The following KRABD4 variants were observed in gnomAD, a reference collection of about 807,000 sequenced individuals.
KRABD4 encodes KRAB domain containing 4.
chrX:46,460,867 T>TCTCCC, the KRABD4 span, among the ~76,000 whole-genome samples: 1 of 105,390 alleles, frequency 9.5e-6, no homozygotes, highest in African/African-American at 3.6e-5. Context: ...CTTCATCTCC[T>TCTCCC]CTCCCCTCCC....
chrX:46,464,072 C>T, the KRABD4 span, among the ~76,000 whole-genome samples: 1 of 107,545 alleles, frequency 9.3e-6, no homozygotes, highest in Non-Finnish European at 1.9e-5. Context: ...AAAAAACACA[C>T]TTGAGAGGAC....
the KRABD4 span, among the ~76,000 whole-genome samples, chrX:46,465,101 T>C: frequency 8.9e-6 from 1 of 112,797 alleles, no homozygotes; most frequent in Non-Finnish European, 1.9e-5. Context: ...AAGTTTGTTA[T>C]ATGCTTATTT....
the KRABD4 span, chrX:46,462,869 C>T: frequency 8.3e-7 from 1 of 1,211,848 alleles, no homozygotes; most frequent in Non-Finnish European, 1.1e-6. Flanking sequence ...CACCTGGTGT[C>T]CGTGGGTGAG....
chrX:46,459,707 A>C, the KRABD4 span, among the ~76,000 whole-genome samples: 3,278 of 111,629 alleles, frequency 0.029, 110 homozygotes, highest in African/African-American at 0.1. Flanking sequence ...ATGTTTAGCT[A>C]TGTGTTACTG....
the KRABD4 span, among the ~76,000 whole-genome samples, chrX:46,453,562 T>C: frequency 8.9e-6 from 1 of 111,843 alleles, no homozygotes; most frequent in African/African-American, 3.2e-5. Flanking sequence ...ATAACCCAAG[T>C]ACTTTTGAAA....
the KRABD4 span, among the ~76,000 whole-genome samples, chrX:46,451,855 A>G: frequency 4.4e-5 from 5 of 112,991 alleles, no homozygotes; most frequent in African/African-American, 1.6e-4. Flanking sequence ...TGAATAGAAC[A>G]TTAACAAATT....
the KRABD4 span, among the ~76,000 whole-genome samples, chrX:46,459,311 CAA>C: frequency 2.3e-5 from 1 of 44,276 alleles, no homozygotes. Flanking sequence ...GAGACTGTCT[CAA>C]AAAAAAAAAA....
At chrX:46,447,720 T>C in the KRABD4 span, among the ~76,000 whole-genome samples, 1,230 of 112,275 alleles carry the variant, frequency 0.011, 16 homozygotes, top group African/African-American at 0.036. Context: ...GTTACGATGA[T>C]TATTTTCGTG....
At chrX:46,452,663 G>A in the KRABD4 span, among the ~76,000 whole-genome samples, 1 of 112,169 alleles carries the variant, frequency 8.9e-6, no homozygotes, top group Non-Finnish European at 1.9e-5. Flanking sequence ...AAACAACATA[G>A]CAGTGTATAG....
chrX:46,461,016 C>G, the KRABD4 span, among the ~76,000 whole-genome samples: 1 of 100,357 alleles, frequency 1.0e-5, no homozygotes, highest in Non-Finnish European at 2.0e-5. Context: ...ACTTTGATCA[C>G]TTCAGAGGCT....
the KRABD4 span, chrX:46,447,438 G>A: frequency 9.0e-6 from 1 of 111,192 alleles, no homozygotes; most frequent in Admixed American, 9.5e-5. Flanking sequence ...CGCCTTTGTG[G>A]GTGACAGGGT....
the KRABD4 span, chrX:46,456,237 AT>A: frequency 9.0e-6 from 1 of 111,227 alleles, no homozygotes; most frequent in East Asian, 2.8e-4. Flanking sequence ...ATCCAGCTTT[AT>A]TAAATGGGAT....
the KRABD4 span, chrX:46,474,514 T>C: frequency 1.8e-5 from 2 of 111,950 alleles, no homozygotes; most frequent in Non-Finnish European, 3.8e-5. Context: ...CATTAAAGAA[T>C]TCATTGAGTG....
the KRABD4 span, among the ~76,000 whole-genome samples, chrX:46,465,985 T>C: frequency 8.9e-6 from 1 of 111,845 alleles, no homozygotes; most frequent in African/African-American, 3.3e-5. Flanking sequence ...TTAAATCTAT[T>C]TCAGGAACTA....
the KRABD4 span, among the ~76,000 whole-genome samples, chrX:46,458,077 T>G: frequency 2.7e-5 from 3 of 111,997 alleles, no homozygotes; most frequent in Non-Finnish European, 5.6e-5. Flanking sequence ...ATGAAAATCT[T>G]AAAAATTATC....
the KRABD4 span, chrX:46,473,619 CCTG>C: frequency 3.6e-5 from 13 of 357,486 alleles, no homozygotes; most frequent in South Asian, 6.7e-4. Flanking sequence ...TTTGCACTGT[CCTG>C]CTCTTTCCTG....
the KRABD4 span, chrX:46,456,418 G>A: frequency 8.4e-6 from 1 of 119,174 alleles, no homozygotes; most frequent in African/African-American, 3.3e-5. Context: ...ACCCTGTCAA[G>A]CAAAAGTATA....
the KRABD4 span, among the ~76,000 whole-genome samples, chrX:46,467,010 C>T: frequency 8.9e-6 from 1 of 112,161 alleles, no homozygotes; most frequent in Non-Finnish European, 1.9e-5. Flanking sequence ...TACCTTAATG[C>T]ATTTTAGGTT....
the KRABD4 span, among the ~76,000 whole-genome samples, chrX:46,453,487 A>T: frequency 8.9e-6 from 1 of 111,857 alleles, no homozygotes; most frequent in Non-Finnish European, 1.9e-5. Flanking sequence ...TCTTTTAATG[A>T]TCATTGGGAC....
Sources: gnomAD v4.1 joint callset for allele counts (sites outside exome capture counted in the v4.1 genomes callset) on GRCh38, gnomAD v4.1.1 for gene constraint, MANE v1.5 for transcripts, NCBI Gene and HGNC (gene_info 2026-07-23, HGNC 2026-07-21) for gene names.